The following PRPF39 variants were observed in gnomAD, a reference collection of about 807,000 sequenced individuals.
PRPF39 encodes pre-mRNA processing factor 39, also known as pre-mRNA-processing factor 39.
In PRPF39, 27 loss-of-function variants were observed where a neutral mutation model predicts 82.1. That is an observed-to-expected ratio of 0.33 (90% CI 0.24 to 0.45). The LOEUF (loss-of-function observed/expected upper bound fraction) is 0.45, where lower values mean the gene tolerates loss of function less well. Ranked by LOEUF, PRPF39 falls within the 20% of genes least tolerant of loss-of-function variation. PRPF39 has a pLI of 1.00. For synonymous variants in PRPF39, 261 were observed against 256.4 expected (o/e 1.02, Z -0.17); for missense variants, 581 against 796.9 (o/e 0.73, Z 3.26).
chr14:45,085,801 T>G (rs1286245824), intron 1 of PRPF39, among the ~76,000 whole-genome samples: 2 of 152,208 alleles, frequency 1.3e-5, no homozygotes, highest in African/African-American at 4.8e-5. Flanking sequence ...ATTGCAAAGC[T>G]ACTTGTTTTG....
chr14:45,088,764 T>C (rs371153101), intron 1 of PRPF39, among the ~76,000 whole-genome samples: 2 of 152,346 alleles, frequency 1.3e-5, no homozygotes, highest in African/African-American at 4.8e-5. Context: ...TCATTCATTC[T>C]TCAGAAATAA....
At chr14:45,086,593 A>G (rs911771751) in intron 1 of PRPF39, among the ~76,000 whole-genome samples, 9 of 152,160 alleles carry the variant, frequency 5.9e-5, no homozygotes, top group Admixed American at 1.3e-4. Context: ...GGAAATGGCA[A>G]TGAGGAGGAG....
intron 11 of PRPF39, 45 bp from the exon 12 acceptor site, chr14:45,114,138 T>C: frequency 7.3e-7 from 1 of 1,375,014 alleles, no homozygotes; most frequent in Non-Finnish European, 1.0e-6. Context: ...TTAATAAAGT[T>C]TGTTTTTTGT....
intron 5 of PRPF39, among the ~76,000 whole-genome samples, chr14:45,105,258 AT>A (rs1339868290): frequency 6.6e-6 from 1 of 152,176 alleles, no homozygotes; most frequent in African/African-American, 2.4e-5. Flanking sequence ...GCAATAAGTC[AT>A]TTTAGATTTA....
intron 3 of PRPF39, 146 bp downstream of exon 3, chr14:45,096,374 T>C: frequency 6.5e-7 from 1 of 1,527,396 alleles, no homozygotes; most frequent in Non-Finnish European, 8.8e-7. Flanking sequence ...TTATTTGCAT[T>C]TGTCACTCTT....
intron 4 of PRPF39, among the ~76,000 whole-genome samples, chr14:45,098,264 A>G (rs1402084575): frequency 2.0e-5 from 3 of 152,140 alleles, no homozygotes; most frequent in Non-Finnish European, 4.4e-5. Flanking sequence ...TGAGTGACAG[A>G]GTGAGACCTT....
intron 1 of PRPF39, among the ~76,000 whole-genome samples, chr14:45,093,517 C>T (rs1180822928): frequency 6.6e-6 from 1 of 151,314 alleles, no homozygotes; most frequent in African/African-American, 2.4e-5. Flanking sequence ...AGCCACCGTG[C>T]CTGGCCGAGT....
chr14:45,100,311 T>A (rs928014514), intron 4 of PRPF39, among the ~76,000 whole-genome samples: 3 of 152,226 alleles, frequency 2.0e-5, no homozygotes, highest in African/African-American at 7.2e-5. Context: ...TGGGGCATTG[T>A]CAGTTGGCCT....
At position 45,107,300 on chromosome 14, in the gene PRPF39, G is replaced by A. The variant is rs920674273; in HGVS notation, c.738-151G>A. 1.8e-5 allele frequency: 11 copies of A among 607,162 alleles called. No individual in the cohort carries two copies. In the African/African-American group the frequency reaches 2.1e-4, roughly 11 times the overall value. 37.6% of individuals were successfully genotyped at this position (607,162 alleles called of 1,614,324 possible). On this transcript the variant is annotated intron_variant, in intron 5 of 13. Transcript: ENST00000355765. ...TGGTAGTGTTTTATCATATATGGTA[G>A]GATTTTACTATAGAAAAGAAGGAGA...
intron 1 of PRPF39, among the ~76,000 whole-genome samples, chr14:45,089,388 G>A (rs1219589740): frequency 6.6e-6 from 1 of 152,184 alleles, no homozygotes; most frequent in Non-Finnish European, 1.5e-5. Context: ...ACTTTGTTGA[G>A]GGCCATTTGA....
In PRPF39 at chr14:45,115,457, C is replaced by T. The variant is rs1884809929; in HGVS notation, c.*544C>T. 1 of 152,406 alleles carries T rather than the reference C, an allele frequency of 6.6e-6. No homozygotes were observed. The highest frequency in any genetic ancestry group is 1.5e-5 in the Non-Finnish European group (1 of 67,976). 9.4% of individuals were successfully genotyped at this position (152,406 alleles called of 1,614,324 possible). ...AAATGAGAAAATGGAATGTTTGCATCCCTTTAAAAATGAAAATCATATCAA... is the reference window on the plus strand; with the variant it reads ...AAATGAGAAAATGGAATGTTTGCATTCCTTTAAAAATGAAAATCATATCAA... On this transcript the variant is annotated 3_prime_UTR_variant, in exon 14 of 14. Transcript: ENST00000355765.
At chr14:45,095,698 C>A in intron 2 of PRPF39, 135 bp downstream of exon 2, 1 of 1,182,966 alleles carries the variant, frequency 8.5e-7, no homozygotes, top group Non-Finnish European at 1.1e-6. Context: ...CATTAGGTAG[C>A]TACATTTTTA....
chr14:45,091,388 C>T (rs1040650304), intron 1 of PRPF39, among the ~76,000 whole-genome samples: 1 of 152,170 alleles, frequency 6.6e-6, no homozygotes, highest in African/African-American at 2.4e-5. Flanking sequence ...GCGATCCACC[C>T]ACCTTGGCTT....
chr14:45,094,025 T>C (rs1285782882), intron 1 of PRPF39, among the ~76,000 whole-genome samples: 1 of 152,210 alleles, frequency 6.6e-6, no homozygotes, highest in African/African-American at 2.4e-5. Flanking sequence ...AGTAAAGATA[T>C]AGGTCTTTTT....
chr14:45,087,866 C>T (rs1468575229), intron 1 of PRPF39, among the ~76,000 whole-genome samples: 1 of 151,662 alleles, frequency 6.6e-6, no homozygotes, highest in Non-Finnish European at 1.5e-5. Context: ...GGATTACAGG[C>T]GTGAGCCACT....
intron 11 of PRPF39, 107 bp from the exon 12 acceptor site, chr14:45,114,076 C>A: frequency 1.2e-5 from 9 of 744,056 alleles, no homozygotes; most frequent in Non-Finnish European, 1.9e-5. Context: ...AATAAAGGAG[C>A]CGCTTAGAAA....
At chr14:45,088,399 A>C (rs115289722) in intron 1 of PRPF39, 2,882 of 154,274 alleles carry the variant, frequency 0.019, 34 homozygotes, top group African/African-American at 0.038. Context: ...GTGTCAGGTA[A>C]AGGGATGAGG....
At chr14:45,102,317 A>G (rs1884400984) in intron 4 of PRPF39, among the ~76,000 whole-genome samples, 1 of 152,174 alleles carries the variant, frequency 6.6e-6, no homozygotes, top group Non-Finnish European at 1.5e-5. Flanking sequence ...AAGTTACATA[A>G]AAAGTACATT....
Position 45,115,893 on chromosome 14 carries a change from ACAGT to A in PRPF39, c.*984_*987del. The A allele has an allele frequency of 3.7e-6, 1 of 271,496 alleles. No individual in the cohort carries two copies. The highest frequency in any genetic ancestry group is 7.2e-6 in the Non-Finnish European group (1 of 138,508). 16.8% of individuals were successfully genotyped at this position (271,496 alleles called of 1,614,324 possible). ...ATAATATATTAACACCAAACAAATC[ACAGT>A]CAGATCAAGACAGTGGATCAATTTT... On this transcript the variant is annotated 3_prime_UTR_variant, in exon 14 of 14. Coordinates refer to ENST00000355765, the MANE Select transcript of PRPF39 (RefSeq NM_017922.4).
Sources: gnomAD v4.1 joint callset for allele counts (sites outside exome capture counted in the v4.1 genomes callset) on GRCh38, gnomAD v4.1.1 for gene constraint, MANE v1.5 for transcripts, NCBI Gene and HGNC (gene_info 2026-07-23, HGNC 2026-07-21) for gene names.